CLEC6A: variants seen among roughly 807,000 people sequenced by gnomAD.
CLEC6A encodes C-type lectin domain family 6 member A.
CLEC6A carries 22 observed loss-of-function variants against 25.7 expected under a neutral mutation model. The ratio of observed to expected loss-of-function variants is 0.85; its 90% CI spans 0.61 to 1.22. The LOEUF (loss-of-function observed/expected upper bound fraction) is 1.22. Among genes scored for constraint, CLEC6A ranks in the 50% most tolerant of loss-of-function variants. The pLI, the probability that CLEC6A is intolerant of heterozygous loss-of-function variation, is 0.00. For missense variants in CLEC6A, 240 were observed against 236.8 expected (o/e 1.01, Z -0.09); for synonymous variants, 92 against 76.7 (o/e 1.20, Z -1.04).
chr12:8,461,325 A>G, intron 3 of CLEC6A: 1 of 507,978 alleles, frequency 2.0e-6, no homozygotes, highest in Non-Finnish European at 3.5e-6. Flanking sequence ...AAGAGAAGTA[A>G]AGTGCATAGT....
At chr12:8,471,141 C>T (rs993633512) in intron 4 of CLEC6A, among the ~76,000 whole-genome samples, 1 of 151,746 alleles carries the variant, frequency 6.6e-6, no homozygotes, top group African/African-American at 2.4e-5. Flanking sequence ...GAAATAAATC[C>T]CAGTTTGTCA....
chr12:8,474,608 A>C (rs1939946252), intron 4 of CLEC6A, among the ~76,000 whole-genome samples: 1 of 151,994 alleles, frequency 6.6e-6, no homozygotes. Flanking sequence ...GAGAAGCACT[A>C]CTCCCCACCC....
intron 4 of CLEC6A, among the ~76,000 whole-genome samples, chr12:8,473,967 G>A (rs1400921629): frequency 2.6e-5 from 4 of 152,036 alleles, no homozygotes; most frequent in Admixed American, 1.3e-4. Flanking sequence ...GATAGATTCT[G>A]GATGTTAGAC....
In CLEC6A at chr12:8,456,029, A is replaced by G. The variant is rs1490193319; in HGVS notation, c.-83A>G. On this transcript the variant is annotated 5_prime_UTR_variant, in exon 1 of 6. The change abolishes an upstream ATG in the 5' untranslated region. Transcript: ENST00000382073. The stretch of plus-strand genomic sequence containing the variant: ...TGTCCCTGAGCTCTAGCTTCTTTAA[A>G]TGAAGCTGAGTCTCTGGGCAACATC... 1.5e-6 allele frequency: 2 copies of G among 1,368,364 alleles called. No individual in the cohort carries two copies. Among genetic ancestry groups the G allele is most frequent in the Admixed American group, 1.7e-5 (1 of 58,560 alleles). 84.8% of individuals were successfully genotyped at this position (1,368,364 alleles called of 1,614,324 possible). A position where few individuals can be genotyped will look rare whatever the true frequency, so the allele number is the denominator to read the frequency against.
At chr12:8,464,822 T>A (rs1293879975) in intron 3 of CLEC6A, among the ~76,000 whole-genome samples, 1 of 152,232 alleles carries the variant, frequency 6.6e-6, no homozygotes, top group African/African-American at 2.4e-5. Context: ...AACTGCTAAT[T>A]GTTTAAGATG....
chr12:8,467,459 A>T (rs2136362111), intron 4 of CLEC6A, among the ~76,000 whole-genome samples: 1 of 152,248 alleles, frequency 6.6e-6, no homozygotes, highest in African/African-American at 2.4e-5. Context: ...GTCTTTCCCC[A>T]TTGTGTGGTA....
rs1475302452 is a variant in CLEC6A, at chr12:8,467,952, T to C, written c.369+2323T>C. On this transcript the variant is annotated intron_variant, in intron 4 of 5. Transcript: ENST00000382073. ...GCTACTTTATTTATTTTGCTTTTTTTTTTTCCCCAAGACGGAGTTTTGCTC... is the reference window on the plus strand; with the variant it reads ...GCTACTTTATTTATTTTGCTTTTTTCTTTTCCCCAAGACGGAGTTTTGCTC... Among the ~76,000 whole-genome samples the C allele has an allele frequency of 8.5e-5, 13 of 152,298 alleles. No homozygotes were observed. The East Asian group carries it at 2.3e-3, about 27-fold the overall frequency.
In CLEC6A at chr12:8,456,691, A is replaced by G. The variant is rs140532357; in HGVS notation, c.31+549A>G. ...TATGGGCTCCATGTCATATTTTGAC[A>G]CAAGAATATGATGCGTAATGGTAAA... On this transcript the variant is annotated intron_variant, in intron 1 of 5. Coordinates refer to ENST00000382073, the MANE Select transcript of CLEC6A (RefSeq NM_001007033.2). Among the ~76,000 whole-genome samples, 1,202 of 152,322 alleles carry G rather than the reference A, an allele frequency of 7.9e-3. 24 individuals carry two copies. The highest frequency in any genetic ancestry group is 0.028 in the African/African-American group (1,165 of 41,574).
chr12:8,471,435 G>A (rs1476370048), intron 4 of CLEC6A, among the ~76,000 whole-genome samples: 2 of 151,866 alleles, frequency 1.3e-5, no homozygotes, highest in South Asian at 2.1e-4. Context: ...TTGTTGGGAG[G>A]TTTTGATTAC....
chr12:8,467,727 A>G (rs1462901884), intron 4 of CLEC6A, among the ~76,000 whole-genome samples: 4 of 152,182 alleles, frequency 2.6e-5, no homozygotes, highest in South Asian at 4.1e-4. Flanking sequence ...AAAAAATAAC[A>G]TTGGGATTTT....
chr12:8,461,913 C>G (rs1210972866), intron 3 of CLEC6A, among the ~76,000 whole-genome samples: 3 of 152,152 alleles, frequency 2.0e-5, no homozygotes, highest in Admixed American at 1.3e-4. Context: ...CATATATGCC[C>G]TCCAATACAG....
intron 3 of CLEC6A, among the ~76,000 whole-genome samples, chr12:8,460,383 C>T (rs748159279): frequency 6.6e-6 from 1 of 152,294 alleles, no homozygotes; most frequent in South Asian, 2.1e-4. Flanking sequence ...TGGGTTTCCT[C>T]TTATCAAACC....
intron 5 of CLEC6A, 95 bp downstream of exon 5, chr12:8,476,335 G>A (rs2136368148): frequency 4.0e-6 from 3 of 745,372 alleles, no homozygotes; most frequent in Admixed American, 2.3e-5. Flanking sequence ...TATGATAACA[G>A]GATCTAACAA....
chr12:8,477,251 CT>C, intron 5 of CLEC6A, 68 bp from the exon 6 acceptor site: 2 of 1,329,498 alleles, frequency 1.5e-6, no homozygotes, highest in Non-Finnish European at 1.0e-6. Flanking sequence ...TCACCCCAGA[CT>C]TTTATACTTT....
rs770961292 is a variant in CLEC6A, at chr12:8,476,105, C to CT, written c.370-12dup. On this transcript the variant is annotated intron_variant, in intron 4 of 5. Transcript: ENST00000382073. ...CTGGAAATACCAAAGTCTTTGACTC[C>CT]TTTTTTTTCCTTCATGCAGAATTTC... is the stretch of plus-strand genomic sequence containing the variant. 9.3e-5 allele frequency: 142 copies of CT among 1,522,582 alleles called. No individual in the cohort carries two copies. Among genetic ancestry groups the CT allele is most frequent in the Non-Finnish European group, 1.2e-4 (128 of 1,103,828 alleles). The allele number at this position is 1,522,582 out of a possible 1,614,324, so 94.3% of individuals were successfully genotyped here. A position where few individuals can be genotyped will look rare whatever the true frequency, so the allele number is the denominator to read the frequency against.
At chr12:8,463,724 A>G (rs1939793174) in intron 3 of CLEC6A, among the ~76,000 whole-genome samples, 1 of 152,234 alleles carries the variant, frequency 6.6e-6, no homozygotes, top group African/African-American at 2.4e-5. Flanking sequence ...AAGGTATACC[A>G]AAAAGTGTTC....
rs142947078 is a variant in CLEC6A at position 8,460,879 on chromosome 12, G to A, written c.223+1181G>A. The A allele has an allele frequency of 1.8e-4, 158 of 882,138 alleles. 3 individuals are homozygous for A. In the East Asian group the frequency reaches 3.5e-3, roughly 20 times the overall value. 54.6% of individuals were successfully genotyped at this position (882,138 alleles called of 1,614,324 possible). On this transcript the variant is annotated intron_variant, in intron 3 of 5. Coordinates refer to ENST00000382073, the MANE Select transcript of CLEC6A (RefSeq NM_001007033.2). ...AACTTACCGCAAGCCTGTCTATCAC[G>A]GTGTTAACCAGCCAAAGTTTGCTCC...
Position 8,477,612 on chromosome 12 carries a change from T to A in CLEC6A, c.*148T>A. The A allele has an allele frequency of 1.9e-6, 1 of 529,024 alleles. No homozygotes were observed. The highest frequency in any genetic ancestry group is 3.2e-6 in the Non-Finnish European group (1 of 317,242). 32.8% of individuals were successfully genotyped at this position (529,024 alleles called of 1,614,324 possible). On this transcript the variant is annotated 3_prime_UTR_variant, in exon 6 of 6. Coordinates refer to ENST00000382073, the MANE Select transcript of CLEC6A (RefSeq NM_001007033.2). ...ATAGAGGTTCACAGAAATGGAAAGA[T>A]ACCTGTTTCCCTTTAATCAATCTTC...
At chr12:8,477,269 A>C in intron 5 of CLEC6A, 51 bp from the exon 6 acceptor site, 1 of 1,489,124 alleles carries the variant, frequency 6.7e-7, no homozygotes, top group Non-Finnish European at 9.1e-7. Flanking sequence ...CTTTCTAATC[A>C]TTCACCATGC....
Sources: allele counts gnomAD v4.1 joint callset (sites outside exome capture counted in the v4.1 genomes callset), GRCh38; gene constraint gnomAD v4.1.1; transcripts MANE v1.5; gene names NCBI Gene and HGNC (gene_info 2026-07-23, HGNC 2026-07-21).